INCENP: variants seen among roughly 807,000 people sequenced by gnomAD.
The protein encoded by INCENP is inner centromere protein.
In INCENP, 43 loss-of-function variants were observed where a neutral mutation model predicts 107.3. That is an observed-to-expected ratio of 0.40 (90% confidence interval 0.31 to 0.52). The LOEUF is 0.52. INCENP is among the 20% of genes least tolerant of loss of function. INCENP has a pLI of 0.53. For synonymous variants in INCENP, 488 were observed against 494.4 expected (o/e 0.99, Z 0.17); for missense variants, 1,089 against 1,250.9 (o/e 0.87, Z 1.95).
intron 11 of INCENP, among the ~76,000 whole-genome samples, chr11:62,142,537 G>C (rs538509939): frequency 6.6e-6 from 1 of 152,246 alleles, no homozygotes; most frequent in African/African-American, 2.4e-5. Flanking sequence ...TAGGAGACCA[G>C]GGGGCTACGG....
Position 62,145,858 on chromosome 11 carries a change from A to G in INCENP, c.1959+107A>G, listed in dbSNP as rs568642764. 9.8e-6 allele frequency: 13 copies of G among 1,329,994 alleles called. No homozygotes were observed. In the African/African-American group the frequency reaches 1.5e-4, roughly 15 times the overall value. 82.4% of individuals were successfully genotyped at this position (1,329,994 alleles called of 1,614,324 possible). A position where few individuals can be genotyped will look rare whatever the true frequency, so the allele number is the denominator to read the frequency against. ...CCACCTTGTGGGGTTGACCCAGACC[A>G]TCTTGTTGCTTCATGCTAAGAAGGA... On this transcript the variant is annotated intron_variant, in intron 14 of 18. Coordinates refer to ENST00000394818, the MANE Select transcript of INCENP (RefSeq NM_001040694.2).
Position 62,138,694 on chromosome 11 carries a change from G to A in INCENP, c.1116-19G>A, listed in dbSNP as rs1348997136. On this transcript the variant is annotated intron_variant, in intron 5 of 18. Coordinates refer to ENST00000394818, the MANE Select transcript of INCENP (RefSeq NM_001040694.2). The stretch of plus-strand genomic sequence containing the variant: ...GGACTAGCTGGGCAGTCCCCTCAGA[G>A]TCCCTCTTCTGTTTTCAGTTCTGAG... 1.2e-6 allele frequency: 2 copies of A among 1,613,566 alleles called. No individual in the cohort carries two copies. The highest frequency in any genetic ancestry group is 1.7e-6 in the Non-Finnish European group (2 of 1,179,542).
In INCENP at chr11:62,140,293, TC is replaced by T; in HGVS notation, c.1343+10del. 6.2e-7 allele frequency: 1 copy of T among 1,612,644 alleles called. No homozygotes were observed. The highest frequency in any genetic ancestry group is 8.5e-7 in the Non-Finnish European group (1 of 1,178,954). On this transcript the variant is annotated intron_variant, in intron 8 of 18. Transcript: ENST00000394818. ...GCCACCGCAGAGTGCCAGGTTTGCA[TC>T]CGGGAAGGGGTGTGTAGGTAACTCT...
intron 18 of INCENP, 96 bp downstream of exon 18, chr11:62,150,303 GA>G (rs1944347037): frequency 7.4e-6 from 10 of 1,354,102 alleles, no homozygotes; most frequent in Non-Finnish European, 8.2e-6. Context: ...GCGGTGTTGG[GA>G]GGCTGCCGTG....
chr11:62,148,607 G>A lies in INCENP; in HGVS notation c.2283+53G>A, dbSNP rs1199340263. Reference sequence around the variant, plus strand: ...CTGGGGTCTGCCCTGAGCTGTGGGCGGGTCTGGACTCCTGCAGCAGGGGCT... The same window carrying A: ...CTGGGGTCTGCCCTGAGCTGTGGGCAGGTCTGGACTCCTGCAGCAGGGGCT... On this transcript the variant is annotated intron_variant, in intron 16 of 18. Coordinates refer to ENST00000394818, the MANE Select transcript of INCENP (RefSeq NM_001040694.2). The A allele has an allele frequency of 1.8e-5, 28 of 1,543,140 alleles. 1 individual carries two copies. Among genetic ancestry groups the A allele is most frequent in the Middle Eastern group, 2.0e-4 (1 of 5,008 alleles).
At chr11:62,127,473 G>T (rs1202648268) in intron 1 of INCENP, among the ~76,000 whole-genome samples, 1 of 152,224 alleles carries the variant, frequency 6.6e-6, no homozygotes, top group Non-Finnish European at 1.5e-5. Context: ...TTCCCTTCTT[G>T]TTCTATTTAT....
rs767710702 is a variant in INCENP at position 62,145,209 on chromosome 11, G to A, written c.1756G>A (p.Glu586Lys). Residue 586 changes from glutamate (E) to lysine (K), a missense_variant, in exon 13 of 19, where the codon GAG (glutamate) becomes AAG (lysine). Transcript: ENST00000394818. ...ERLRKVLQAR[E>K]RVEQMKEEKK... ...CCTCCGCAAGGTGCTGCAGGCCCGC[G>A]AGCGGGTGGAGCAGATGAAGGAGGA... The A allele has an allele frequency of 7.5e-5, 121 of 1,613,996 alleles. No individual in the cohort carries two copies. Among genetic ancestry groups the A allele is most frequent in the South Asian group, 9.9e-5 (9 of 91,084 alleles).
At chr11:62,149,066 GT>G (rs1271342558) in intron 17 of INCENP, among the ~76,000 whole-genome samples, 1 of 152,106 alleles carries the variant, frequency 6.6e-6, no homozygotes, top group Non-Finnish European at 1.5e-5. Flanking sequence ...AGAGTATACA[GT>G]TTTAAAAAAA....
At chr11:62,145,143 C>A (rs988776826) in intron 12 of INCENP, 26 bp from the exon 13 acceptor site, 2 of 1,614,108 alleles carry the variant, frequency 1.2e-6, no homozygotes, top group South Asian at 2.2e-5. Flanking sequence ...TGGTGGGGCT[C>A]CCCATGACTA....
intron 1 of INCENP, among the ~76,000 whole-genome samples, chr11:62,127,530 G>C (rs1486499878): frequency 1.3e-5 from 2 of 152,192 alleles, no homozygotes; most frequent in African/African-American, 4.8e-5. Context: ...GTTGTGGGAG[G>C]CCCCTTGAGG....
chr11:62,128,102 C>G, intron 1 of INCENP, 49 bp from the exon 2 acceptor site: 1 of 1,603,342 alleles, frequency 6.2e-7, no homozygotes, highest in Non-Finnish European at 8.5e-7. Context: ...AAGCCCCAGA[C>G]CCCTACCCTG....
intron 17 of INCENP, 90 bp from the exon 18 acceptor site, chr11:62,149,967 T>C (rs138037472): frequency 4.1e-6 from 5 of 1,228,484 alleles, no homozygotes; most frequent in African/African-American, 1.5e-5. Flanking sequence ...TCCTGTGAAA[T>C]AGGAGGAGGT....
chr11:62,138,112 G>T (rs528710415), intron 5 of INCENP: 133 of 590,950 alleles, frequency 2.3e-4, no homozygotes, highest in Admixed American at 5.9e-4. Context: ...GGCTAGACCT[G>T]ACCCTGGGGC....
At chr11:62,133,214 C>T (rs1943925065) in intron 4 of INCENP, among the ~76,000 whole-genome samples, 1 of 151,894 alleles carries the variant, frequency 6.6e-6, no homozygotes, top group Non-Finnish European at 1.5e-5. Flanking sequence ...GATTTGAGTT[C>T]AATTTGTTAA....
In INCENP at chr11:62,152,029, C is replaced by A; in HGVS notation, c.*53C>A. 7.2e-7 allele frequency: 1 copy of A among 1,388,054 alleles called. No homozygotes were observed. Among genetic ancestry groups the A allele is most frequent in the Non-Finnish European group, 1.0e-6 (1 of 998,264 alleles). The allele number at this position is 1,388,054 out of a possible 1,614,324, so 86.0% of individuals were successfully genotyped here. ...TCGCCTCCTGTCCATGTCTATCTGT[C>A]TGTCTGTCGGTCTCTGTCTTGGTCT... is the stretch of plus-strand genomic sequence containing the variant. On this transcript the variant is annotated 3_prime_UTR_variant, in exon 19 of 19. Coordinates refer to ENST00000394818, the MANE Select transcript of INCENP (RefSeq NM_001040694.2).
chr11:62,147,931 T>C (rs978781734), intron 15 of INCENP, among the ~76,000 whole-genome samples: 3 of 152,118 alleles, frequency 2.0e-5, no homozygotes, highest in East Asian at 1.9e-4. Flanking sequence ...TACACCTGTT[T>C]CCTTGTTTAG....
At chr11:62,136,779 A>G (rs576165179) in intron 4 of INCENP, among the ~76,000 whole-genome samples, 2 of 152,354 alleles carry the variant, frequency 1.3e-5, no homozygotes, top group Admixed American at 1.3e-4. Context: ...GTCCGAGGAT[A>G]GTGTTTGATG....
chr11:62,135,657 C>T (rs888258210), intron 4 of INCENP, among the ~76,000 whole-genome samples: 4 of 152,188 alleles, frequency 2.6e-5, no homozygotes, highest in African/African-American at 4.8e-5. Flanking sequence ...TGCACGTCTT[C>T]CAAGTGTTGA....
At chr11:62,142,312 G>T (rs1247270474) in intron 11 of INCENP, among the ~76,000 whole-genome samples, 1 of 152,216 alleles carries the variant, frequency 6.6e-6, no homozygotes, top group Non-Finnish European at 1.5e-5. Flanking sequence ...CTGGCCAGGT[G>T]GGCCCTGAGC....
Sources: gnomAD v4.1 joint callset for allele counts (sites outside exome capture counted in the v4.1 genomes callset) on GRCh38, gnomAD v4.1.1 for gene constraint, MANE v1.5 for transcripts, NCBI Gene and HGNC (gene_info 2026-07-23, HGNC 2026-07-21) for gene names.